The following EPHB1 variants were observed in gnomAD, a reference collection of about 807,000 sequenced individuals.
EPHB1 encodes ephrin type-B receptor 1.
In EPHB1, 30 loss-of-function variants were observed where a neutral mutation model predicts 94.4. The observed-to-expected ratio is 0.32, with a 90% CI of 0.24 to 0.43. The LOEUF (loss-of-function observed/expected upper bound fraction) is 0.43. Among genes scored for constraint, EPHB1 ranks in the 20% least tolerant of loss-of-function variants. The probability of loss-of-function intolerance (pLI) is 1.00; values close to 1 mark genes in which losing one functional copy is unlikely to be tolerated. For missense variants in EPHB1, 1,055 were observed against 1,308.3 expected, an observed-to-expected ratio of 0.81 and a Z score of 2.99; for synonymous variants, 522 against 489.1, an observed-to-expected ratio of 1.07 and a Z score of -0.89.
At chr3:135,082,134 A>G (rs1381701583) in intron 3 of EPHB1, among the ~76,000 whole-genome samples, 1 of 152,194 alleles carries the variant, frequency 6.6e-6, no homozygotes, top group African/African-American at 2.4e-5. Flanking sequence ...CAGGACTGAT[A>G]GAAGAGACTG....
At chr3:135,161,317 G>C (rs1054793271) in intron 6 of EPHB1, among the ~76,000 whole-genome samples, 3 of 152,124 alleles carry the variant, frequency 2.0e-5, no homozygotes, top group Admixed American at 6.5e-5. Context: ...AGGTGGGGGG[G>C]ATGAGGACAC....
intron 12 of EPHB1, among the ~76,000 whole-genome samples, chr3:135,231,269 G>A (rs1943524504): frequency 6.6e-6 from 1 of 152,286 alleles, no homozygotes; most frequent in South Asian, 2.1e-4. Context: ...AATAATGCCT[G>A]TATCCTGGCC....
At chr3:135,013,326 T>C (rs752779150) in intron 3 of EPHB1, among the ~76,000 whole-genome samples, 31 of 152,212 alleles carry the variant, frequency 2.0e-4, no homozygotes, top group Non-Finnish European at 2.6e-4. Flanking sequence ...CAGTGCCAAC[T>C]CTGCAGTGCC....
intron 6 of EPHB1, among the ~76,000 whole-genome samples, chr3:135,156,556 G>A (rs550235898): frequency 2.0e-5 from 3 of 152,194 alleles, no homozygotes; most frequent in South Asian, 2.1e-4. Flanking sequence ...CCCTGAAAGC[G>A]GAGGTCTAGA....
chr3:135,162,778 T>C (rs1941545761), intron 7 of EPHB1, among the ~76,000 whole-genome samples: 1 of 152,188 alleles, frequency 6.6e-6, no homozygotes, highest in Non-Finnish European at 1.5e-5. Flanking sequence ...ATTAGTTCCC[T>C]ATTATCACTA....
chr3:135,198,183 G>A lies in EPHB1; in HGVS notation c.2131-3291G>A, dbSNP rs143053179. Among the ~76,000 whole-genome samples the A allele has an allele frequency of 4.8e-3, 725 of 152,282 alleles. 11 individuals carry two copies. The highest frequency in any genetic ancestry group is 0.033 in the South Asian group (161 of 4,820). The stretch of plus-strand genomic sequence containing the variant: ...CAGCCTTTTTCTCCACACAGCGTTT[G>A]AGGCCACCATTACCAGTTGATCGGA... On this transcript the variant is annotated intron_variant, in intron 11 of 15. Transcript: ENST00000398015.
chr3:135,054,001 A>G (rs1937271971), intron 3 of EPHB1, among the ~76,000 whole-genome samples: 1 of 147,392 alleles, frequency 6.8e-6, no homozygotes, highest in Non-Finnish European at 1.5e-5. Flanking sequence ...CTAAATATAT[A>G]TACATGTGCA....
intron 3 of EPHB1, among the ~76,000 whole-genome samples, chr3:135,061,113 A>C (rs548814608): frequency 6.6e-6 from 1 of 152,222 alleles, no homozygotes; most frequent in South Asian, 2.1e-4. Flanking sequence ...AGTTGTTGCA[A>C]ATGATTGGAT....
chr3:135,249,632 C>A, intron 15 of EPHB1, 141 bp downstream of exon 15: 1 of 927,112 alleles, frequency 1.1e-6, no homozygotes, highest in Non-Finnish European at 1.6e-6. Context: ...ATGGGGAGCA[C>A]CTTGGAAAGA....
chr3:135,233,415 C>G (rs1033175858), intron 12 of EPHB1, among the ~76,000 whole-genome samples: 6 of 152,244 alleles, frequency 3.9e-5, no homozygotes, highest in Admixed American at 3.9e-4. Context: ...CCAGGTCATG[C>G]TGATACAAGA....
intron 1 of EPHB1, among the ~76,000 whole-genome samples, chr3:134,820,643 T>C (rs2036362704): frequency 6.6e-6 from 1 of 152,084 alleles, no homozygotes; most frequent in Non-Finnish European, 1.5e-5. Context: ...TTCTTGATGT[T>C]TTATTTTATT....
chr3:134,843,125 T>C (rs1159797415), intron 1 of EPHB1, among the ~76,000 whole-genome samples: 1 of 152,242 alleles, frequency 6.6e-6, no homozygotes, highest in Non-Finnish European at 1.5e-5. Context: ...AGGAATGTTT[T>C]TATTTTTTCT....
At chr3:135,254,593 A>G (rs1252189882) in intron 15 of EPHB1, among the ~76,000 whole-genome samples, 2 of 152,014 alleles carry the variant, frequency 1.3e-5, no homozygotes, top group Non-Finnish European at 2.9e-5. Context: ...AAGCTTTTTG[A>G]TGTGCTGCTG....
At chr3:134,867,741 C>G (rs891646928) in intron 1 of EPHB1, among the ~76,000 whole-genome samples, 1 of 152,142 alleles carries the variant, frequency 6.6e-6, no homozygotes, top group Non-Finnish European at 1.5e-5. Context: ...TTCCCATTCT[C>G]CATCTCCCTC....
intron 3 of EPHB1, among the ~76,000 whole-genome samples, chr3:135,015,916 T>C (rs1935782643): frequency 4.0e-5 from 6 of 151,886 alleles, no homozygotes; most frequent in Admixed American, 3.9e-4. Flanking sequence ...GGCCCTGAGG[T>C]GGGAAGATCT....
intron 3 of EPHB1, among the ~76,000 whole-genome samples, chr3:135,104,427 C>T (rs1939136373): frequency 6.6e-6 from 1 of 152,184 alleles, no homozygotes; most frequent in Non-Finnish European, 1.5e-5. Context: ...AAGACTCAAA[C>T]AGTACTTTTT....
intron 13 of EPHB1, among the ~76,000 whole-genome samples, chr3:135,242,362 AC>A (rs1943806381): frequency 6.6e-6 from 1 of 152,108 alleles, no homozygotes; most frequent in Non-Finnish European, 1.5e-5. Flanking sequence ...CCACACTGTA[AC>A]CCCCTCTGTG....
chr3:135,216,672 G>A (rs1306101463), intron 12 of EPHB1, among the ~76,000 whole-genome samples: 1 of 139,980 alleles, frequency 7.1e-6, no homozygotes, highest in Admixed American at 7.8e-5. Flanking sequence ...GCAGTGAGCC[G>A]AGATCATGCC....
At chr3:135,210,899 C>A (rs532124779) in intron 12 of EPHB1, among the ~76,000 whole-genome samples, 3 of 152,282 alleles carry the variant, frequency 2.0e-5, no homozygotes, top group African/African-American at 7.2e-5. Flanking sequence ...TCTGTAGAGT[C>A]CAAATCAGCC....
Sources: allele counts gnomAD v4.1 joint callset (sites outside exome capture counted in the v4.1 genomes callset), GRCh38; gene constraint gnomAD v4.1.1; transcripts MANE v1.5; gene names NCBI Gene and HGNC (gene_info 2026-07-23, HGNC 2026-07-21).